Variants in SH3BP5 observed in about 807,000 individuals in gnomAD.
The protein encoded by SH3BP5 is SH3 domain binding protein 5.
In SH3BP5, 22 loss-of-function variants were observed where a neutral mutation model predicts 43.3. The ratio of observed to expected loss-of-function variants is 0.51; its 90% CI spans 0.36 to 0.73. The LOEUF (loss-of-function observed/expected upper bound fraction) is 0.73. SH3BP5 is among the 30% of genes least tolerant of loss of function. The pLI is 0.00. For synonymous variants in SH3BP5, 255 were observed against 225.8 expected, an observed-to-expected ratio of 1.13 and a Z score of -1.16; for missense variants, 529 against 586.9, an observed-to-expected ratio of 0.90 and a Z score of 1.02.
intron 3 of SH3BP5, 148 bp from the exon 4 acceptor site, chr3:15,270,025 G>T: frequency 1.6e-6 from 1 of 628,988 alleles, no homozygotes; most frequent in Non-Finnish European, 2.6e-6. Context: ...CCTCATAGAT[G>T]CCAGACAGGG....
intron 3 of SH3BP5, among the ~76,000 whole-genome samples, chr3:15,277,887 T>C (rs188048430): frequency 6.6e-6 from 1 of 152,142 alleles, no homozygotes. Context: ...TGGACATGGA[T>C]TGGGAGGAAG....
intron 3 of SH3BP5, among the ~76,000 whole-genome samples, chr3:15,290,607 G>C (rs1220794454): frequency 6.6e-6 from 1 of 152,016 alleles, no homozygotes; most frequent in Non-Finnish European, 1.5e-5. Flanking sequence ...GCTGAGGCAG[G>C]AGAATCACTT....
Position 15,297,576 on chromosome 3 carries a change from T to A in SH3BP5, c.330+6527A>T, listed in dbSNP as rs540239366. On this transcript the variant is annotated intron_variant, in intron 3 of 8. Transcript: ENST00000383791. The stretch of plus-strand genomic sequence containing the variant: ...TGCAGGTAGACTTTATCGTTCCCAA[T>A]TCTTGAATTTGGACTGGCCCCATGA... Among the ~76,000 whole-genome samples, 7 of 152,318 alleles carry A rather than the reference T, an allele frequency of 4.6e-5. No individual in the cohort carries two copies. The South Asian group carries it at 1.4e-3, about 32-fold the overall frequency.
At chr3:15,269,117 T>A (rs974222635) in intron 4 of SH3BP5, among the ~76,000 whole-genome samples, 3 of 152,114 alleles carry the variant, frequency 2.0e-5, no homozygotes, top group Admixed American at 1.3e-4. Context: ...GAGGTGGTCA[T>A]GAGAGCCAGT....
In SH3BP5 at chr3:15,262,389, T is replaced by G. The variant is rs371112274; in HGVS notation, c.496-100A>C. Reference sequence around the variant, plus strand: ...TCAAAAAATATTCTTTGCCCGGGCATGGTGACACATGTGTAATCCCAGCAC... The same window carrying G: ...TCAAAAAATATTCTTTGCCCGGGCAGGGTGACACATGTGTAATCCCAGCAC... On this transcript the variant is annotated intron_variant, in intron 4 of 8. Coordinates refer to ENST00000383791, the MANE Select transcript of SH3BP5 (RefSeq NM_004844.5). 7.9e-6 allele frequency: 11 copies of G among 1,399,748 alleles called. No individual in the cohort carries two copies. The East Asian group carries it at 2.8e-4, about 35-fold the overall frequency. 86.7% of individuals were successfully genotyped at this position (1,399,748 alleles called of 1,614,324 possible). A position where few individuals can be genotyped will look rare whatever the true frequency, so the allele number is the denominator to read the frequency against.
chr3:15,341,371 A>G (rs889119610), upstream of SH3BP5: 1 of 151,860 alleles, frequency 6.6e-6, no homozygotes, highest in African/African-American at 2.4e-5. Context: ...GCTTTCTCCA[A>G]CTCCCATCTG....
At position 15,281,602 on chromosome 3, in the gene SH3BP5, C is replaced by T. The variant is rs184671739; in HGVS notation, c.331-11725G>A. ...CTGCCTGGGGGTTGCGAGCATAACA[C>T]CCACTCCTCCAGTAACTGCTCCCCA... On this transcript the variant is annotated intron_variant, in intron 3 of 8. Coordinates refer to ENST00000383791, the MANE Select transcript of SH3BP5 (RefSeq NM_004844.5). Among the ~76,000 whole-genome samples the T allele has an allele frequency of 1.5e-3, 233 of 152,244 alleles. 1 individual carries two copies. The highest frequency in any genetic ancestry group is 5.2e-3 in the African/African-American group (216 of 41,546).
intron 4 of SH3BP5, among the ~76,000 whole-genome samples, chr3:15,268,509 G>A (rs946610476): frequency 3.3e-5 from 5 of 152,120 alleles, no homozygotes; most frequent in Non-Finnish European, 5.9e-5. Context: ...TTTTCCAGGC[G>A]CTGGGAATCT....
chr3:15,312,486 G>A (rs1295634053), intron 2 of SH3BP5, among the ~76,000 whole-genome samples: 6 of 152,120 alleles, frequency 3.9e-5, no homozygotes, highest in Non-Finnish European at 5.9e-5. Context: ...AGAATGTGAA[G>A]GGGGACCTGC....
At chr3:15,292,522 G>C (rs1201377713) in intron 3 of SH3BP5, among the ~76,000 whole-genome samples, 1 of 152,154 alleles carries the variant, frequency 6.6e-6, no homozygotes, top group Non-Finnish European at 1.5e-5. Flanking sequence ...GACAGAATGG[G>C]GTTGAATGCA....
intron 3 of SH3BP5, among the ~76,000 whole-genome samples, chr3:15,272,295 C>A (rs563568287): frequency 3.4e-4 from 51 of 152,226 alleles, no homozygotes; most frequent in African/African-American, 1.2e-3. Flanking sequence ...CAGATGGAGA[C>A]CCGAACCAAG....
chr3:15,322,617 T>G (rs1011911641), intron 2 of SH3BP5, among the ~76,000 whole-genome samples: 1 of 151,126 alleles, frequency 6.6e-6, no homozygotes, highest in African/African-American at 2.4e-5. Context: ...GCAGGAGGAC[T>G]GCTTGAGCCC....
chr3:15,292,753 CAGG>C (rs1459000510), intron 3 of SH3BP5, among the ~76,000 whole-genome samples: 2 of 152,172 alleles, frequency 1.3e-5, no homozygotes, highest in Non-Finnish European at 2.9e-5. Context: ...GAGGCTGAAG[CAGG>C]AGAATTGCTT....
chr3:15,315,780 C>T (rs1463138352), intron 2 of SH3BP5, among the ~76,000 whole-genome samples: 2 of 152,170 alleles, frequency 1.3e-5, no homozygotes, highest in African/African-American at 4.8e-5. Context: ...AAGGGAAGTG[C>T]TGCTATTTGG....
At position 15,256,250 on chromosome 3, in the gene SH3BP5, G is replaced by A. The variant is rs199531009; in HGVS notation, c.1204C>T (p.Arg402Trp). ...NKTSDKANNN[R>W]GLSSSSGSGG... Reference sequence around the variant, plus strand: ...CTGCCACTGCTACTGCTGAGGCCCCGGTTGTTGTTGGCTTTGTCACTTGTT... The same window carrying A: ...CTGCCACTGCTACTGCTGAGGCCCCAGTTGTTGTTGGCTTTGTCACTTGTT... The change falls in exon 9 of 9, where the codon CGG (arginine) becomes TGG (tryptophan). Residue 402 changes from arginine to tryptophan, a missense_variant. This residue lies in a region of SH3BP5 where 369 missense variants were observed against 384.3 expected (regional missense o/e 0.96). Transcript: ENST00000383791. 1.4e-5 allele frequency: 22 copies of A among 1,614,144 alleles called. No homozygotes were observed. Among genetic ancestry groups the A allele is most frequent in the South Asian group, 7.7e-5 (7 of 91,086 alleles).
chr3:15,256,435 A>C, intron 8 of SH3BP5, 132 bp from the exon 9 acceptor site: 1 of 941,602 alleles, frequency 1.1e-6, no homozygotes. Flanking sequence ...CAGCTAACTC[A>C]GCCCTGTAGA....
upstream of SH3BP5, among the ~76,000 whole-genome samples, chr3:15,335,239 A>G (rs1000917582): frequency 6.6e-6 from 1 of 151,616 alleles, no homozygotes. Context: ...TTAGCTGGGC[A>G]TGGTGGCACA....
chr3:15,340,108 C>G (rs1474373731), intron 1 of SH3BP5, among the ~76,000 whole-genome samples: 1 of 152,040 alleles, frequency 6.6e-6, no homozygotes, highest in Admixed American at 6.6e-5. Flanking sequence ...CTTCCTTATC[C>G]ATGGCTTATT....
At chr3:15,313,312 T>C (rs1015899826) in intron 2 of SH3BP5, among the ~76,000 whole-genome samples, 13 of 152,084 alleles carry the variant, frequency 8.5e-5, no homozygotes, top group Non-Finnish European at 1.6e-4. Context: ...GTGGAATAAA[T>C]AGCACATGCA....
Sources: allele counts gnomAD v4.1 joint callset (sites outside exome capture counted in the v4.1 genomes callset), GRCh38; gene constraint gnomAD v4.1.1; regional missense constraint gnomAD v4.1.1; transcripts MANE v1.5; gene names NCBI Gene and HGNC (gene_info 2026-07-23, HGNC 2026-07-21).